Variants in NOXA1 observed in about 807,000 individuals in gnomAD.
NOXA1 encodes NCF2-like protein.
A neutral mutation model predicts 64.8 loss-of-function variants in NOXA1; 56 were observed. The observed-to-expected ratio is 0.86, with a 90% CI of 0.70 to 1.08. The LOEUF (loss-of-function observed/expected upper bound fraction) is 1.08, where lower values mean the gene tolerates loss of function less well. Ranked by LOEUF, NOXA1 falls within the 50% of genes least tolerant of loss-of-function variation. NOXA1 has a pLI of 0.00. For synonymous variants in NOXA1, 295 were observed against 294.8 expected, an observed-to-expected ratio of 1.00 and a Z score of -0.01; for missense variants, 668 against 658.5, an observed-to-expected ratio of 1.01 and a Z score of -0.16.
Position 137,433,475 on chromosome 9 carries a change from A to G in NOXA1, c.932A>G (p.Glu311Gly). Reference sequence around the variant, plus strand: ...CAGGGAGCAGGTGCAGGGGGCTCCGAGCCCCTGGTGACTGTCACCGTGCAG... The same window carrying G: ...CAGGGAGCAGGTGCAGGGGGCTCCGGGCCCCTGGTGACTGTCACCGTGCAG... ...GAGGAGAGGS[E>G]PLVTVTVQCA... The change falls in exon 11 of 14, where the codon GAG (glutamate) becomes GGG (glycine). Residue 311 changes from glutamate (E) to glycine (G), a missense_variant. Transcript: ENST00000683555. 6.2e-7 allele frequency: 1 copy of G among 1,602,932 alleles called. No homozygotes were observed. The highest frequency in any genetic ancestry group is 1.3e-5 in the African/African-American group (1 of 74,894).
chr9:137,433,610 G>A lies in NOXA1; in HGVS notation c.1064+3G>A, dbSNP rs1718243333. 1 of 1,543,736 alleles carries A rather than the reference G, an allele frequency of 6.5e-7. No homozygotes were observed. On this transcript the variant is annotated splice_donor_region_variant and intron_variant, in intron 11 of 13. Coordinates refer to ENST00000683555, the MANE Select transcript of NOXA1 (RefSeq NM_001256067.2). ...CAGGCCCAGCTTGGGCAACTCAGGTGGGCCAGAAAGCCCCCGGTGGCTGCG... is the reference window on the plus strand; with the variant it reads ...CAGGCCCAGCTTGGGCAACTCAGGTAGGCCAGAAAGCCCCCGGTGGCTGCG...
In NOXA1 at chr9:137,433,847, C is replaced by A. The variant is rs935063126; in HGVS notation, c.1162C>A (p.Leu388Met). 6.9e-7 allele frequency: 1 copy of A among 1,451,130 alleles called. No individual in the cohort carries two copies. The highest frequency in any genetic ancestry group is 2.8e-5 in the Admixed American group (1 of 35,382). The allele number at this position is 1,451,130 out of a possible 1,614,324, so 89.9% of individuals were successfully genotyped here. A position where few individuals can be genotyped will look rare whatever the true frequency, so the allele number is the denominator to read the frequency against. Reference protein sequence around the residue: ...WQDAAACPRGLQLQCRGAGGR... With the variant: ...WQDAAACPRGMQLQCRGAGGR... ...GGACGCAGCTGCCTGCCCCAGGGGGCTGCAGCTGCAGTGCAGGGTGAGCCA... is the reference window on the plus strand; with the variant it reads ...GGACGCAGCTGCCTGCCCCAGGGGGATGCAGCTGCAGTGCAGGGTGAGCCA... The change falls in exon 12 of 14, where the codon CTG becomes ATG. Residue 388 changes from leucine to methionine, a missense_variant. Physicochemically the swap from Leu to Met is conservative, Grantham distance 15. Coordinates refer to ENST00000683555, the MANE Select transcript of NOXA1 (RefSeq NM_001256067.2).
At chr9:137,433,323 A>ATCCCTCAGAATCAAGGCTTGCAAGCCCCC in intron 10 of NOXA1, 60 bp downstream of exon 10, 1 of 1,497,016 alleles carries the variant, frequency 6.7e-7, no homozygotes, top group Non-Finnish European at 8.9e-7. Context: ...GCCAAGCCCC[A>ATCCCTCAGAATCAAGGCTTGCAAGCCCCC]TCCCTCAGAA....
At chr9:137,424,848 T>C (rs1838777533) in intron 1 of NOXA1, among the ~76,000 whole-genome samples, 1 of 152,214 alleles carries the variant, frequency 6.6e-6, no homozygotes, top group Non-Finnish European at 1.5e-5. Flanking sequence ...ACTTGTGCTC[T>C]TGTGCCTGGT....
At chr9:137,425,729 G>A (rs979683157) in intron 1 of NOXA1, among the ~76,000 whole-genome samples, 12 of 151,932 alleles carry the variant, frequency 7.9e-5, no homozygotes, top group Admixed American at 7.2e-4. Context: ...TCTGGACTGC[G>A]TTATCTCGTC....
At chr9:137,432,290 A>AAAAC (rs1839140290) in intron 8 of NOXA1, among the ~76,000 whole-genome samples, 1 of 151,432 alleles carries the variant, frequency 6.6e-6, no homozygotes. Flanking sequence ...AAAAAAAAAA[A>AAAAC]AAAAAAAAGC....
chr9:137,425,229 C>T (rs556297691), intron 1 of NOXA1, among the ~76,000 whole-genome samples: 64 of 152,172 alleles, frequency 4.2e-4, no homozygotes, highest in Non-Finnish European at 8.7e-4. Context: ...AACTGATGGC[C>T]ACGGTCCCTG....
intron 1 of NOXA1, among the ~76,000 whole-genome samples, chr9:137,424,823 G>A (rs968375830): frequency 4.3e-4 from 66 of 152,286 alleles, no homozygotes; most frequent in South Asian, 2.1e-4. Context: ...TCCTATGTCC[G>A]GGGCTAACCC....
At chr9:137,432,924 C>G (rs903894299) in intron 8 of NOXA1, 105 bp from the exon 9 acceptor site, 1 of 1,280,140 alleles carries the variant, frequency 7.8e-7, no homozygotes, top group African/African-American at 1.5e-5. Context: ...CTGCTGGGTG[C>G]TGGCCGGGCA....
At chr9:137,434,121 C>A in intron 13 of NOXA1, 42 bp downstream of exon 13, 1 of 1,581,242 alleles carries the variant, frequency 6.3e-7, no homozygotes, top group South Asian at 1.1e-5. Context: ...CCGTGGTGCC[C>A]GGGGTGTGGG....
Position 137,433,745 on chromosome 9 carries a change from T to C in NOXA1, c.1065-5T>C. On this transcript the variant is annotated splice_region_variant and splice_polypyrimidine_tract_variant and intron_variant, in intron 11 of 13. Coordinates refer to ENST00000683555, the MANE Select transcript of NOXA1 (RefSeq NM_001256067.2). ...GGAGGCCCCCTCTGAGGAATCTCTT[T>C]GCAGTTACCTAGCCCCAGGTGAGGA... 4.8e-6 allele frequency: 7 copies of C among 1,461,608 alleles called. No individual in the cohort carries two copies. The highest frequency in any genetic ancestry group is 2.8e-5 in the South Asian group (2 of 71,288). The allele number at this position is 1,461,608 out of a possible 1,614,324, so 90.5% of individuals were successfully genotyped here.
chr9:137,428,067 C>G lies in NOXA1; in HGVS notation c.295C>G (p.Leu99Val), dbSNP rs866657919. ...GGCTCTGTCTGACTTCTGGCTGGCC[C>G]TGGAGCAGCTGAGGGGCCACGCTGC... is the stretch of plus-strand genomic sequence containing the variant. ...QEALSDFWLA[L>V]EQLRGHAAID... is the part of the protein sequence containing the mutation. The change falls in exon 3 of 14, where the codon CTG becomes GTG. Residue 99 changes from leucine to valine, a missense_variant. By Grantham distance (32) the Leu-to-Val change is conservative. Coordinates refer to ENST00000683555, the MANE Select transcript of NOXA1 (RefSeq NM_001256067.2). 6.3e-7 allele frequency: 1 copy of G among 1,584,790 alleles called. No homozygotes were observed. The highest frequency in any genetic ancestry group is 1.2e-5 in the South Asian group (1 of 86,704).
Position 137,426,315 on chromosome 9 carries a change from A to G in NOXA1, c.245A>G (p.Asn82Ser). Residue 82 changes from asparagine (N) to serine (S), a missense_variant, in exon 2 of 14, where the codon AAC becomes AGC. Transcript: ENST00000683555. ...GGCTTCTTCCAGCGAGGAGTGGCCA[A>G]CTTCCAGCTGGCAAGGTGAGTACAG... is the stretch of plus-strand genomic sequence containing the variant. ...AVGFFQRGVA[N>S]FQLARFQEAL... 1 of 1,613,700 alleles carries G rather than the reference A, an allele frequency of 6.2e-7. No homozygotes were observed. Among genetic ancestry groups the G allele is most frequent in the Non-Finnish European group, 8.5e-7 (1 of 1,179,932 alleles).
Position 137,428,626 on chromosome 9 carries a change from C to T in NOXA1, c.370-256C>T, listed in dbSNP as rs189847824. Among the ~76,000 whole-genome samples the T allele has an allele frequency of 2.5e-3, 378 of 149,376 alleles. 1 individual carries two copies. Among genetic ancestry groups the T allele is most frequent in the African/African-American group, 8.9e-3 (361 of 40,492 alleles). On this transcript the variant is annotated intron_variant, in intron 3 of 13. Coordinates refer to ENST00000683555, the MANE Select transcript of NOXA1 (RefSeq NM_001256067.2). ...TCAGGGTTAAAGCCAGGTGGGGGCC[C>T]GCCAGCCCAGGACACAGAACGGTGC...
At chr9:137,430,461 C>T (rs1024132618) in intron 5 of NOXA1, among the ~76,000 whole-genome samples, 3 of 152,238 alleles carry the variant, frequency 2.0e-5, no homozygotes, top group African/African-American at 7.2e-5. Context: ...AGCTGCCCAG[C>T]AGGGGAGGCC....
intron 4 of NOXA1, 60 bp from the exon 5 acceptor site, chr9:137,429,216 T>C: frequency 7.2e-7 from 1 of 1,387,790 alleles, no homozygotes; most frequent in Non-Finnish European, 9.7e-7. Flanking sequence ...ACAGGGGCTC[T>C]GCGGCTGCAG....
Position 137,431,413 on chromosome 9 carries a change from A to G in NOXA1, c.804+72A>G, listed in dbSNP as rs1401201264. 20 of 1,243,098 alleles carry G rather than the reference A, an allele frequency of 1.6e-5. No homozygotes were observed. The highest frequency in any genetic ancestry group is 4.9e-5 in the South Asian group (4 of 81,706). The allele number at this position is 1,243,098 out of a possible 1,614,324, so 77.0% of individuals were successfully genotyped here. On this transcript the variant is annotated intron_variant, in intron 8 of 13. Transcript: ENST00000683555. The surrounding 1 kb of genome is among the most constrained non-coding windows in gnomAD (Gnocchi z 5.6). ...CTGCCTCCGCAGACTGGGGACCACA[A>G]TGGGACCAACATGAGGGTGGAGGGA...
At chr9:137,424,440 T>C (rs1317053531) in intron 1 of NOXA1, among the ~76,000 whole-genome samples, 2 of 152,228 alleles carry the variant, frequency 1.3e-5, no homozygotes, top group African/African-American at 4.8e-5. Flanking sequence ...GATTTCATTT[T>C]TTTGTTTGTT....
Position 137,428,047 on chromosome 9 carries a change from T to TGTCTGA in NOXA1, c.276_281dup (p.Ser93_Asp94insGluSer). 1 of 1,579,264 alleles carries TGTCTGA rather than the reference T, an allele frequency of 6.3e-7. No homozygotes were observed. The highest frequency in any genetic ancestry group is 1.2e-5 in the South Asian group (1 of 86,262). ...GCTGCCCACAGGTTCCAGGAGGCTC[T>TGTCTGA]GTCTGACTTCTGGCTGGCCCTGGAG... is the stretch of plus-strand genomic sequence containing the variant. On this transcript the variant is annotated inframe_insertion, in exon 3 of 14. Coordinates refer to ENST00000683555, the MANE Select transcript of NOXA1 (RefSeq NM_001256067.2).
Sources: gnomAD v4.1 joint callset for allele counts (sites outside exome capture counted in the v4.1 genomes callset) on GRCh38, gnomAD v4.1.1 for gene constraint, Gnocchi (gnomAD v3.1) non-coding constraint, MANE v1.5 for transcripts, NCBI Gene and HGNC (gene_info 2026-07-23, HGNC 2026-07-21) for gene names.